The following MGAM variants were observed in gnomAD, a reference collection of about 807,000 sequenced individuals.
The protein encoded by MGAM is maltase-glucoamylase, also known as alpha-1,4-glucosidase.
MGAM carries 253 observed loss-of-function variants against 358.8 expected under a neutral mutation model. That is an observed-to-expected ratio of 0.71 (90% CI 0.64 to 0.78). MGAM has a LOEUF of 0.78. MGAM is among the 30% of genes least tolerant of loss of function. The pLI, the probability that MGAM is intolerant of heterozygous loss-of-function variation, is 0.00. For missense variants in MGAM, 3,080 were observed against 3,432.6 expected, an observed-to-expected ratio of 0.90 and a Z score of 2.57; for synonymous variants, 1,105 against 1,227.1, an observed-to-expected ratio of 0.90 and a Z score of 2.08.
Position 142,059,930 on chromosome 7 carries a change from C to T in MGAM, c.4023C>T (p.Ile1341=), listed in dbSNP as rs371809571. Residue 1341 remains isoleucine, a synonymous_variant, in exon 33 of 71, where the codon ATC becomes ATT. Coordinates refer to ENST00000475668, the MANE Select transcript of MGAM (RefSeq NM_001365693.1). ...GGGGCGTGGAGGATGACGTCTTCAT[C>T]AAATACCCAAATGATGGAGACATTG... ...FTRGVEDDVF[I]KYPNDGDIVW... is the part of the protein sequence containing the mutation. The T allele has an allele frequency of 3.4e-5, 54 of 1,609,390 alleles. No individual in the cohort carries two copies. Among genetic ancestry groups the T allele is most frequent in the Non-Finnish European group, 4.3e-5 (51 of 1,177,888 alleles).
At chr7:142,101,866 C>T (rs6966500) in intron 68 of MGAM, among the ~76,000 whole-genome samples, 47,741 of 150,186 alleles carry the variant, frequency 0.32, 7,701 homozygotes, top group Middle Eastern at 0.35. Flanking sequence ...CGAGATCATG[C>T]CATTGCACTC....
intron 12 of MGAM, among the ~76,000 whole-genome samples, chr7:142,031,195 T>G (rs1807456480): frequency 6.6e-6 from 1 of 152,238 alleles, no homozygotes; most frequent in Non-Finnish European, 1.5e-5. Flanking sequence ...CTCAAATGTT[T>G]GTTTGTCCTT....
Position 142,056,947 on chromosome 7 carries a change from G to T in MGAM, c.3693+5G>T. The T allele has an allele frequency of 6.2e-7, 1 of 1,613,278 alleles. No individual in the cohort carries two copies. The highest frequency in any genetic ancestry group is 2.2e-5 in the East Asian group (1 of 44,854). ...GTCACCCAGCAGTACACTGAGGTAG[G>T]GGGAAATCCAATTGTTTATCAAGTA... On this transcript the variant is annotated splice_donor_5th_base_variant and intron_variant, in intron 30 of 70. Coordinates refer to ENST00000475668, the MANE Select transcript of MGAM (RefSeq NM_001365693.1).
At position 142,041,864 on chromosome 7, in the gene MGAM, T is replaced by C. The variant is rs560483546; in HGVS notation, c.2498+1018T>C. Among the ~76,000 whole-genome samples, 237 of 106,074 alleles carry C rather than the reference T, an allele frequency of 2.2e-3. 5 individuals are homozygous for C. The highest frequency in any genetic ancestry group is 8.3e-3 in the African/African-American group (230 of 27,708). 69.6% of individuals were successfully genotyped at this position (106,074 alleles called of 152,430 possible). On this transcript the variant is annotated intron_variant, in intron 21 of 70. Transcript: ENST00000475668. ...CACTTTCAAGTTTCTGGTCATTTTA[T>C]ATATATATTATATATATACGTATAA... is the stretch of plus-strand genomic sequence containing the variant.
intron 2 of MGAM, among the ~76,000 whole-genome samples, chr7:142,006,282 G>T (rs1805158837): frequency 6.6e-6 from 1 of 152,044 alleles, no homozygotes. Flanking sequence ...CCATAAGGTG[G>T]ATTTCCCATC....
In MGAM at chr7:142,043,609, C is replaced by T. The variant is rs1228217511; in HGVS notation, c.2498+2763C>T. On this transcript the variant is annotated intron_variant, in intron 21 of 70. Coordinates refer to ENST00000475668, the MANE Select transcript of MGAM (RefSeq NM_001365693.1). The stretch of plus-strand genomic sequence containing the variant: ...AATATATAATATATACATATAATAT[C>T]TAATATATAATACATATATTATATA... 1.6e-5 allele frequency among the ~76,000 whole-genome samples: 2 copies of T among 123,388 alleles called. 1 individual carries two copies. Among genetic ancestry groups the T allele is most frequent in the Non-Finnish European group, 3.2e-5 (2 of 63,088 alleles). 80.9% of individuals were successfully genotyped at this position (123,388 alleles called of 152,430 possible).
chr7:142,063,291 T>C (rs1812406881), intron 35 of MGAM, among the ~76,000 whole-genome samples: 1 of 151,922 alleles, frequency 6.6e-6, no homozygotes, highest in African/African-American at 2.4e-5. Context: ...CTGAAAGAGA[T>C]CTATTTTTTT....
Position 142,065,488 on chromosome 7 carries a change from G to C in MGAM, c.4618+20G>C. The stretch of plus-strand genomic sequence containing the variant: ...TCATTGGTGCGTGGGTCCTTCCCCA[G>C]GGCCTTTGCCGACAGGGCAGGGAGT... On this transcript the variant is annotated intron_variant, in intron 38 of 70. Coordinates refer to ENST00000475668, the MANE Select transcript of MGAM (RefSeq NM_001365693.1). The C allele has an allele frequency of 1.2e-6, 2 of 1,613,568 alleles. No homozygotes were observed. Among genetic ancestry groups the C allele is most frequent in the Non-Finnish European group, 1.7e-6 (2 of 1,179,690 alleles).
intron 57 of MGAM, among the ~76,000 whole-genome samples, chr7:142,091,250 CAAA>C (rs34993763): frequency 8.1e-5 from 7 of 86,740 alleles, no homozygotes; most frequent in Admixed American, 1.1e-4. Flanking sequence ...GACTCTGTCT[CAAA>C]AAAAAAAAAA....
chr7:141,994,238 C>T (rs1038980164), upstream of MGAM, among the ~76,000 whole-genome samples: 2 of 152,210 alleles, frequency 1.3e-5, no homozygotes, highest in African/African-American at 4.8e-5. Context: ...TTCTTGCCCA[C>T]TGCCCTCCAA....
chr7:142,088,594 ATATC>A (rs140862691), intron 57 of MGAM, among the ~76,000 whole-genome samples: 67,901 of 139,884 alleles, frequency 0.49, 20,896 homozygotes, highest in African/African-American at 0.65. Context: ...TCATCTATCT[ATATC>A]TATCTATCTA....
intron 37 of MGAM, among the ~76,000 whole-genome samples, chr7:142,064,811 A>G (rs1585043337): frequency 6.6e-6 from 1 of 152,204 alleles, no homozygotes; most frequent in African/African-American, 2.4e-5. Flanking sequence ...CAGGGCAGCC[A>G]GTGGAACAAT....
Position 142,021,602 on chromosome 7 carries a change from A to C in MGAM, c.575A>C (p.Asn192Thr), listed in dbSNP as rs369486229. 2.2e-5 allele frequency: 36 copies of C among 1,613,778 alleles called. No individual in the cohort carries two copies. The highest frequency in any genetic ancestry group is 1.3e-4 in the Admixed American group (8 of 59,996). The change falls in exon 6 of 71, where the codon AAT becomes ACT. Residue 192 changes from asparagine (N) to threonine (T), a missense_variant. Physicochemically the swap from Asn to Thr is moderately conservative, Grantham distance 65. Coordinates refer to ENST00000475668, the MANE Select transcript of MGAM (RefSeq NM_001365693.1). ...TCTGCACAGTTGACTGACCAAACCAATAACAGGTTTGAAGTGCCCCACGAA... is the reference window on the plus strand; with the variant it reads ...TCTGCACAGTTGACTGACCAAACCACTAACAGGTTTGAAGTGCCCCACGAA... ...RFHFKLTDQT[N>T]NRFEVPHEHV...
intron 49 of MGAM, among the ~76,000 whole-genome samples, chr7:142,080,205 T>G (rs1212049024): frequency 1.4e-5 from 2 of 146,576 alleles, no homozygotes; most frequent in Non-Finnish European, 3.1e-5. Context: ...CACTTCTACA[T>G]AGCTCTCCCT....
chr7:141,998,818 T>G (rs1804493150), intron 1 of MGAM, among the ~76,000 whole-genome samples: 3 of 152,158 alleles, frequency 2.0e-5, no homozygotes, highest in African/African-American at 7.2e-5. Context: ...TCTAGATCCT[T>G]AAGGAATTGC....
At chr7:141,987,442 C>A (rs1803763308) in intron 2 of MGAM, among the ~76,000 whole-genome samples, 3 of 152,196 alleles carry the variant, frequency 2.0e-5, no homozygotes, top group Admixed American at 6.5e-5. Context: ...GATTCAGGCA[C>A]TGTGTCTCAA....
chr7:142,041,943 TATATAC>T (rs1563144768), intron 21 of MGAM, among the ~76,000 whole-genome samples: 5 of 16,360 alleles, frequency 3.1e-4, no homozygotes, highest in African/African-American at 8.2e-4. Flanking sequence ...ATATATTATA[TATATAC>T]ATATATATAA....
chr7:142,066,586 T>C lies in MGAM; in HGVS notation c.4784T>C (p.Val1595Ala), dbSNP rs1812781742. 1 of 1,555,184 alleles carries C rather than the reference T, an allele frequency of 6.4e-7. No homozygotes were observed. The highest frequency in any genetic ancestry group is 8.8e-7 in the Non-Finnish European group (1 of 1,132,568). The stretch of plus-strand genomic sequence containing the variant: ...TTTCTCCTTTAGAGACAAGACCCTG[T>C]GTCCTGGGATGCTGCTTTTGTGAAT... ...NTIGTRRQDPVSWDAAFVNIS... is the reference protein window; with the variant it reads ...NTIGTRRQDPASWDAAFVNIS... The change falls in exon 41 of 71, where the codon GTG becomes GCG. Residue 1595 changes from valine to alanine, a missense_variant. Around this residue, in one of 5 missense-constraint regions of MGAM, gnomAD observed 134 missense variants for 198.4 expected, o/e 0.68. Transcript: ENST00000475668.
chr7:142,092,140 T>A lies in MGAM; in HGVS notation c.6945+93T>A, dbSNP rs111237431. 3.8e-3 allele frequency: 5,559 copies of A among 1,449,042 alleles called. 361 individuals are homozygous for A. The African/African-American group carries it at 0.064, about 17-fold the overall frequency. 89.8% of individuals were successfully genotyped at this position (1,449,042 alleles called of 1,614,324 possible). A position where few individuals can be genotyped will look rare whatever the true frequency, so the allele number is the denominator to read the frequency against. On this transcript the variant is annotated intron_variant, in intron 58 of 70. Transcript: ENST00000475668. Reference sequence around the variant, plus strand: ...CACTGACCTTCAGTCAAGAGGATAGTCATTGTCCAAGGAAGACTTTGGACA... The same window carrying A: ...CACTGACCTTCAGTCAAGAGGATAGACATTGTCCAAGGAAGACTTTGGACA...
Sources: gnomAD v4.1 joint callset for allele counts (sites outside exome capture counted in the v4.1 genomes callset) on GRCh38, gnomAD v4.1.1 for gene constraint, gnomAD v4.1.1 regional missense constraint, MANE v1.5 for transcripts, NCBI Gene and HGNC (gene_info 2026-07-23, HGNC 2026-07-21) for gene names.